The following NOX4 variants were observed in gnomAD, a reference collection of about 807,000 sequenced individuals.
NOX4 encodes NADPH oxidase 4.
Under a neutral mutation model 87.6 loss-of-function variants are expected in NOX4, and 69 were observed. The observed-to-expected ratio is 0.79, with a 90% CI of 0.65 to 0.96. The LOEUF is 0.96. Ranked by LOEUF, NOX4 falls within the 40% of genes least tolerant of loss-of-function variation. NOX4 has a pLI of 0.00. For missense variants in NOX4, 680 were observed against 681.5 expected (o/e 1.00, Z 0.02); for synonymous variants, 275 against 238.2 (o/e 1.15, Z -1.42).
chr11:89,562,438 C>T, the NOX4 span, among the ~76,000 whole-genome samples: 5 of 151,844 alleles, frequency 3.3e-5, no homozygotes, highest in African/African-American at 1.2e-4. Context: ...CCCCTTTTAT[C>T]CAATCTATCC....
intron 2 of NOX4, among the ~76,000 whole-genome samples, chr11:89,453,168 C>T (rs1945044405): frequency 6.6e-6 from 1 of 152,148 alleles, no homozygotes; most frequent in Admixed American, 6.5e-5. Context: ...ATTACTAGGC[C>T]TATTTCTTCT....
intron 6 of NOX4, 40 bp from the exon 7 acceptor site, chr11:89,432,896 A>G (rs753737905): frequency 1.5e-6 from 2 of 1,353,042 alleles, no homozygotes; most frequent in East Asian, 4.8e-5. Context: ...CTTAAATCAT[A>G]GTGAGAAAAA....
chr11:89,582,271 T>C, the NOX4 span, among the ~76,000 whole-genome samples: 1 of 152,164 alleles, frequency 6.6e-6, no homozygotes, highest in Non-Finnish European at 1.5e-5. Flanking sequence ...ATATTTTCTT[T>C]ATCCATTCAT....
chr11:89,550,569 T>C, the NOX4 span, among the ~76,000 whole-genome samples: 1 of 152,208 alleles, frequency 6.6e-6, no homozygotes, highest in Non-Finnish European at 1.5e-5. Flanking sequence ...TTTTTTCATA[T>C]GTTTCTTGGC....
upstream of NOX4, among the ~76,000 whole-genome samples, chr11:89,491,788 C>T (rs1211979000): frequency 6.6e-6 from 1 of 150,990 alleles, no homozygotes; most frequent in East Asian, 1.9e-4. Flanking sequence ...CTCTTTTAGA[C>T]TGATTGTTTT....
intron 4 of NOX4, among the ~76,000 whole-genome samples, chr11:89,449,016 A>T (rs1463685177): frequency 6.6e-6 from 1 of 152,200 alleles, no homozygotes. Flanking sequence ...GGAAATAGTC[A>T]TTATCAGCTT....
intron 2 of NOX4, among the ~76,000 whole-genome samples, chr11:89,458,073 G>T (rs1436999158): frequency 6.6e-6 from 1 of 152,054 alleles, no homozygotes; most frequent in African/African-American, 2.4e-5. Context: ...AAATTCATAT[G>T]GAACCAAAAA....
intron 12 of NOX4, among the ~76,000 whole-genome samples, chr11:89,355,505 G>C (rs1187436969): frequency 6.6e-6 from 1 of 150,804 alleles, no homozygotes; most frequent in African/African-American, 2.4e-5. Flanking sequence ...TCTTATCATT[G>C]AAAGGTTAGA....
intron 4 of NOX4, among the ~76,000 whole-genome samples, chr11:89,446,299 G>T (rs1944702237): frequency 6.6e-6 from 1 of 152,078 alleles, no homozygotes; most frequent in Non-Finnish European, 1.5e-5. Flanking sequence ...TTGGAAGTGA[G>T]TTTGGTGGTT....
chr11:89,551,214 T>C, the NOX4 span, among the ~76,000 whole-genome samples: 3 of 152,212 alleles, frequency 2.0e-5, no homozygotes, highest in African/African-American at 7.2e-5. Flanking sequence ...CCTTGTAGTA[T>C]AGTTTGAAGA....
At chr11:89,544,156 C>T in the NOX4 span, among the ~76,000 whole-genome samples, 3 of 152,112 alleles carry the variant, frequency 2.0e-5, no homozygotes, top group African/African-American at 7.2e-5. Context: ...TATCTCAATA[C>T]ATTTCAACCA....
At chr11:89,575,584 C>A in the NOX4 span, among the ~76,000 whole-genome samples, 1 of 152,128 alleles carries the variant, frequency 6.6e-6, no homozygotes, top group Non-Finnish European at 1.5e-5. Flanking sequence ...TGTTTTCCAG[C>A]CACTTTATAA....
chr11:89,355,905 T>C (rs1691433116), intron 12 of NOX4, among the ~76,000 whole-genome samples: 1 of 152,112 alleles, frequency 6.6e-6, no homozygotes, highest in African/African-American at 2.4e-5. Flanking sequence ...AGCAGCTCAG[T>C]TGCTCATTGA....
chr11:89,580,826 G>A, the NOX4 span, among the ~76,000 whole-genome samples: 6 of 152,158 alleles, frequency 3.9e-5, no homozygotes, highest in African/African-American at 1.4e-4. Flanking sequence ...TAATTGAAGT[G>A]TAACTCTAGT....
intron 8 of NOX4, 68 bp downstream of exon 8, chr11:89,421,834 T>C (rs1046870925): frequency 1.2e-5 from 11 of 888,506 alleles, no homozygotes; most frequent in Admixed American, 1.1e-4. Flanking sequence ...AAATTTCCTA[T>C]AGAGTTTTCT....
intron 11 of NOX4, among the ~76,000 whole-genome samples, chr11:89,394,317 T>C (rs1287355214): frequency 6.7e-6 from 1 of 149,532 alleles, no homozygotes; most frequent in East Asian, 2.1e-4. Flanking sequence ...TATACTATTC[T>C]CTCTACTTTT....
intron 2 of NOX4, among the ~76,000 whole-genome samples, chr11:89,469,460 C>G (rs1374026410): frequency 1.3e-5 from 2 of 152,054 alleles, no homozygotes; most frequent in African/African-American, 2.4e-5. Flanking sequence ...ATTTTATTGA[C>G]TCTTCTATCC....
chr11:89,435,935 T>G (rs1217435972), intron 6 of NOX4, among the ~76,000 whole-genome samples: 1 of 152,108 alleles, frequency 6.6e-6, no homozygotes, highest in African/African-American at 2.4e-5. Context: ...ATTAATAAAG[T>G]AATAGATTTC....
intron 2 of NOX4, among the ~76,000 whole-genome samples, chr11:89,477,005 C>A (rs1213987910): frequency 2.0e-5 from 3 of 152,126 alleles, no homozygotes; most frequent in Non-Finnish European, 2.9e-5. Flanking sequence ...GGTCCTCAAC[C>A]TTTTTGGCAC....
Sources: gnomAD v4.1 joint callset for allele counts (sites outside exome capture counted in the v4.1 genomes callset) on GRCh38, gnomAD v4.1.1 for gene constraint, MANE v1.5 for transcripts, NCBI Gene and HGNC (gene_info 2026-07-23, HGNC 2026-07-21) for gene names.